Variants in CAPN5 observed in about 807,000 individuals in gnomAD.
CAPN5 encodes the protein calpain 5.
In CAPN5, 54 loss-of-function variants were observed where a neutral mutation model predicts 73.0. The observed-to-expected ratio is 0.74, with a 90% CI of 0.59 to 0.93. The LOEUF is 0.93. CAPN5 is among the 40% of genes least tolerant of loss of function. The pLI is 0.00. For synonymous variants in CAPN5, 335 were observed against 356.9 expected (o/e 0.94, Z 0.69); for missense variants, 785 against 882.9 (o/e 0.89, Z 1.41).
Position 77,125,070 on chromosome 11 carries a change from T to C in CAPN5, c.*1200T>C, listed in dbSNP as rs1458908590. On this transcript the variant is annotated 3_prime_UTR_variant, in exon 13 of 13. Coordinates refer to ENST00000648180, the MANE Select transcript of CAPN5 (RefSeq NM_004055.5). ...CCTCCATTTTTCTTCTTGGCTCCAGTTTTGCTGGTCCTCTGGAGAACTCTT... is the reference window on the plus strand; with the variant it reads ...CCTCCATTTTTCTTCTTGGCTCCAGCTTTGCTGGTCCTCTGGAGAACTCTT... The C allele has an allele frequency of 6.6e-6, 1 of 152,328 alleles. No homozygotes were observed. The highest frequency in any genetic ancestry group is 1.5e-5 in the Non-Finnish European group (1 of 68,038). 9.4% of individuals were successfully genotyped at this position (152,328 alleles called of 1,614,324 possible).
At chr11:77,080,484 G>A (rs1950016873) in intron 1 of CAPN5, among the ~76,000 whole-genome samples, 1 of 152,184 alleles carries the variant, frequency 6.6e-6, no homozygotes, top group Non-Finnish European at 1.5e-5. Context: ...GCCTGGCCTT[G>A]GCTTCTGCCT....
At chr11:77,087,807 C>T in intron 2 of CAPN5, 1 of 1,225,522 alleles carries the variant, frequency 8.2e-7, no homozygotes, top group Non-Finnish European at 1.1e-6. Context: ...CCTAGAGCCA[C>T]CTTGGTTGGG....
intron 3 of CAPN5, among the ~76,000 whole-genome samples, chr11:77,097,292 G>A (rs1484229269): frequency 6.6e-6 from 1 of 152,060 alleles, no homozygotes; most frequent in African/African-American, 2.4e-5. Flanking sequence ...CTGCTCTTTA[G>A]TTATCAAGCA....
At chr11:77,069,856 G>A (rs58520141) in intron 1 of CAPN5, among the ~76,000 whole-genome samples, 21,676 of 152,210 alleles carry the variant, frequency 0.14, 1,612 homozygotes, top group Middle Eastern at 0.25. Flanking sequence ...GTGGTCCTGA[G>A]GCTTGGCCTT....
intron 4 of CAPN5, 56 bp from the exon 5 acceptor site, chr11:77,114,185 AG>A: frequency 6.5e-7 from 1 of 1,544,586 alleles, no homozygotes; most frequent in Non-Finnish European, 8.9e-7. Context: ...TATGAGGTAA[AG>A]GATGCAGCCT....
chr11:77,091,447 G>A (rs1233820387), intron 2 of CAPN5, among the ~76,000 whole-genome samples: 1 of 152,206 alleles, frequency 6.6e-6, no homozygotes, highest in Admixed American at 6.5e-5. Flanking sequence ...GCTGTGTGGC[G>A]GGGACATGGT....
At chr11:77,083,775 G>A (rs1482557181) in intron 1 of CAPN5, among the ~76,000 whole-genome samples, 2 of 152,166 alleles carry the variant, frequency 1.3e-5, no homozygotes, top group South Asian at 2.1e-4. Flanking sequence ...ATGAGAAAAC[G>A]GGCTCAGAGA....
chr11:77,073,640 GC>G (rs1949935182), intron 1 of CAPN5, among the ~76,000 whole-genome samples: 1 of 152,218 alleles, frequency 6.6e-6, no homozygotes, highest in African/African-American at 2.4e-5. Context: ...ACATGGCCCT[GC>G]CCGCAAGGCC....
At chr11:77,086,420 A>G (rs1180206884) in intron 2 of CAPN5, among the ~76,000 whole-genome samples, 1 of 152,098 alleles carries the variant, frequency 6.6e-6, no homozygotes, top group Non-Finnish European at 1.5e-5. Context: ...GGGTAGTTGA[A>G]GAGTCCTGCC....
intron 1 of CAPN5, among the ~76,000 whole-genome samples, chr11:77,074,444 G>A (rs1247176215): frequency 6.6e-6 from 1 of 152,036 alleles, no homozygotes; most frequent in African/African-American, 2.4e-5. Flanking sequence ...GCTGCTTCTG[G>A]CCTATCCTTC....
intron 2 of CAPN5, among the ~76,000 whole-genome samples, chr11:77,089,217 C>T (rs1451078737): frequency 5.9e-5 from 9 of 152,164 alleles, no homozygotes; most frequent in Admixed American, 2.6e-4. Flanking sequence ...CCCTGGCACC[C>T]GAGGACCATT....
rs532222529 is a variant in CAPN5 at position 77,077,533 on chromosome 11, T to G, written c.-35-7319T>G. ...AGTGATGTTGAGCTTTTTAATTTTT[T>G]TTTTTTGTTTTTTGAGATGGAGTTT... On this transcript the variant is annotated intron_variant, in intron 1 of 12. Coordinates refer to ENST00000648180, the MANE Select transcript of CAPN5 (RefSeq NM_004055.5). 6.6e-5 allele frequency among the ~76,000 whole-genome samples: 10 copies of G among 152,078 alleles called. No homozygotes were observed. In the South Asian group the frequency reaches 8.3e-4, roughly 13 times the overall value.
At chr11:77,079,149 CTTA>C (rs57426663) in intron 1 of CAPN5, among the ~76,000 whole-genome samples, 70 of 150,376 alleles carry the variant, frequency 4.7e-4, no homozygotes, top group African/African-American at 1.6e-3. Context: ...AATTATTTGC[CTTA>C]TTATTATTAT....
intron 1 of CAPN5, among the ~76,000 whole-genome samples, chr11:77,081,367 T>A (rs781880121): frequency 1.4e-4 from 22 of 152,232 alleles, no homozygotes; most frequent in Non-Finnish European, 2.5e-4. Context: ...TGCTGGAACC[T>A]CTGAATGACA....
At chr11:77,116,078 G>C in intron 6 of CAPN5, 148 bp from the exon 7 acceptor site, 1 of 692,842 alleles carries the variant, frequency 1.4e-6, no homozygotes, top group South Asian at 1.7e-5. Context: ...AGAGGGGCTG[G>C]GCATGGCCTC....
intron 3 of CAPN5, among the ~76,000 whole-genome samples, chr11:77,095,651 C>T (rs1950201117): frequency 6.6e-6 from 1 of 152,214 alleles, no homozygotes; most frequent in Non-Finnish European, 1.5e-5. Context: ...CTGGGCCTGA[C>T]TCCAGTCTCC....
rs539778598 is a variant in CAPN5 at position 77,104,276 on chromosome 11, G to A, written c.298-8313G>A. On this transcript the variant is annotated intron_variant, in intron 3 of 12. Transcript: ENST00000648180. ...TTGAGGGAAGTTGGAGCTGGAGAGA[G>A]TGGATTCTCCAGGGCCTCAGGTATC... Among the ~76,000 whole-genome samples, 15 of 152,330 alleles carry A rather than the reference G, an allele frequency of 9.8e-5. No individual in the cohort carries two copies. In the South Asian group the frequency reaches 2.9e-3, roughly 29 times the overall value.
At position 77,123,671 on chromosome 11, in the gene CAPN5, C is replaced by A; in HGVS notation, c.1741-17C>A. 1 of 1,608,206 alleles carries A rather than the reference C, an allele frequency of 6.2e-7. No individual in the cohort carries two copies. On this transcript the variant is annotated splice_polypyrimidine_tract_variant and intron_variant, in intron 12 of 12. Transcript: ENST00000648180. ...GGAGGTAGCCCGCCCCTCCCATGAT[C>A]CTCTGTCTCTTCCCAGGTCTGGAAC...
intron 2 of CAPN5, chr11:77,087,917 C>T: frequency 6.5e-7 from 1 of 1,536,040 alleles, no homozygotes; most frequent in Non-Finnish European, 8.7e-7. Flanking sequence ...CACCCACAGG[C>T]TCGCTATGTT....
Sources: allele counts gnomAD v4.1 joint callset (sites outside exome capture counted in the v4.1 genomes callset), GRCh38; gene constraint gnomAD v4.1.1; transcripts MANE v1.5; gene names NCBI Gene and HGNC (gene_info 2026-07-23, HGNC 2026-07-21).